CDH19: variants seen among roughly 807,000 people sequenced by gnomAD.
CDH19 encodes cadherin 19.
CDH19 carries 67 observed loss-of-function variants against 64.2 expected under a neutral mutation model. The ratio of observed to expected loss-of-function variants is 1.04; its 90% CI spans 0.86 to 1.28. CDH19 has a LOEUF of 1.28. Among genes scored for constraint, CDH19 ranks in the 50% most tolerant of loss-of-function variants. CDH19 has a pLI of 0.00. For synonymous variants in CDH19, 346 were observed against 319.3 expected (o/e 1.08, Z -0.89); for missense variants, 1,030 against 929.0 (o/e 1.11, Z -1.41).
In CDH19 at chr18:66,504,754, A is replaced by G. The variant is rs1985097571; in HGVS notation, c.*58T>C. 3 of 1,512,070 alleles carry G rather than the reference A, an allele frequency of 2.0e-6. No homozygotes were observed. The highest frequency in any genetic ancestry group is 2.7e-6 in the Non-Finnish European group (3 of 1,125,746). The allele number at this position is 1,512,070 out of a possible 1,614,324, so 93.7% of individuals were successfully genotyped here. A position where few individuals can be genotyped will look rare whatever the true frequency, so the allele number is the denominator to read the frequency against. On this transcript the variant is annotated 3_prime_UTR_variant, in exon 12 of 12. Coordinates refer to ENST00000262150, the MANE Select transcript of CDH19 (RefSeq NM_021153.4). ...GAGCCAGGGCACAAAACTCTTTAAG[A>G]CTACCATTGGGTTCGAATACACATT... is the stretch of plus-strand genomic sequence containing the variant.
intron 7 of CDH19, among the ~76,000 whole-genome samples, chr18:66,539,717 GTTTTC>G (rs1385874945): frequency 4.6e-5 from 7 of 151,890 alleles, no homozygotes; most frequent in Admixed American, 2.6e-4. Flanking sequence ...TTGATCTGTA[GTTTTC>G]TTTGCTTGTT....
intron 9 of CDH19, among the ~76,000 whole-genome samples, chr18:66,523,123 C>T (rs1022648274): frequency 6.6e-6 from 1 of 152,116 alleles, no homozygotes; most frequent in Admixed American, 6.6e-5. Context: ...ACAATTCCAT[C>T]TGTATTTTCT....
intron 7 of CDH19, among the ~76,000 whole-genome samples, chr18:66,537,629 A>T (rs189777296): frequency 2.4e-4 from 36 of 152,190 alleles, no homozygotes; most frequent in Admixed American, 9.8e-4. Context: ...TAGAGGAATA[A>T]TGTTAACATT....
chr18:66,521,855 T>A (rs1986000449), intron 9 of CDH19, among the ~76,000 whole-genome samples: 1 of 152,080 alleles, frequency 6.6e-6, no homozygotes, highest in South Asian at 2.1e-4. Context: ...TGCCTGCCTT[T>A]ATTTTTAATT....
chr18:66,599,301 C>G (rs1457303028), intron 1 of CDH19, among the ~76,000 whole-genome samples: 4 of 151,634 alleles, frequency 2.6e-5, no homozygotes, highest in Non-Finnish European at 4.4e-5. Context: ...AATATTCAGC[C>G]AGCACGGAAA....
At position 66,501,778 on chromosome 18, in the gene CDH19, C is replaced by T. The variant is rs904094829; in HGVS notation, c.*3034G>A. ...AACCATGTGAAATAGGTTGATTGGA[C>T]GTCATTTTACAAAGTGAGATCTGGA... is the stretch of plus-strand genomic sequence containing the variant. On this transcript the variant is annotated 3_prime_UTR_variant, in exon 12 of 12. Transcript: ENST00000262150. 3.3e-5 allele frequency: 5 copies of T among 152,120 alleles called. No individual in the cohort carries two copies. Among genetic ancestry groups the T allele is most frequent in the African/African-American group, 1.2e-4 (5 of 41,518 alleles). The allele number at this position is 152,120 out of a possible 1,614,324, so 9.4% of individuals were successfully genotyped here.
intron 1 of CDH19, among the ~76,000 whole-genome samples, chr18:66,599,156 T>A (rs1406027642): frequency 6.6e-6 from 1 of 152,154 alleles, no homozygotes; most frequent in East Asian, 1.9e-4. Flanking sequence ...GAGTATTTAA[T>A]CATGAAAAGG....
chr18:66,571,352 AACTTAT>A (rs1988097116), intron 2 of CDH19, among the ~76,000 whole-genome samples: 1 of 151,626 alleles, frequency 6.6e-6, no homozygotes, highest in Non-Finnish European at 1.5e-5. Flanking sequence ...TTAGCGGTTA[AACTTAT>A]TTCAGTTCAT....
chr18:66,589,243 T>A (rs1988672524), intron 1 of CDH19, among the ~76,000 whole-genome samples: 1 of 149,490 alleles, frequency 6.7e-6, no homozygotes, highest in Admixed American at 6.7e-5. Context: ...CATATTTGAA[T>A]ATATATACAT....
At position 66,502,171 on chromosome 18, in the gene CDH19, A is replaced by G. The variant is rs1044634200; in HGVS notation, c.*2641T>C. ...ATAAAATAATTATTGAATATAATACAAAGTATAATTCCTAGGAAGTTGCAC... is the reference window on the plus strand; with the variant it reads ...ATAAAATAATTATTGAATATAATACGAAGTATAATTCCTAGGAAGTTGCAC... On this transcript the variant is annotated 3_prime_UTR_variant, in exon 12 of 12. Coordinates refer to ENST00000262150, the MANE Select transcript of CDH19 (RefSeq NM_021153.4). 4 of 152,110 alleles carry G rather than the reference A, an allele frequency of 2.6e-5. No homozygotes were observed. Among genetic ancestry groups the G allele is most frequent in the Middle Eastern group, 3.2e-3 (1 of 316 alleles). 9.4% of individuals were successfully genotyped at this position (152,110 alleles called of 1,614,324 possible). A position where few individuals can be genotyped will look rare whatever the true frequency, so the allele number is the denominator to read the frequency against.
At chr18:66,510,935 CAG>C (rs897765664) in intron 10 of CDH19, among the ~76,000 whole-genome samples, 2 of 151,518 alleles carry the variant, frequency 1.3e-5, no homozygotes, top group African/African-American at 4.8e-5. Flanking sequence ...AAAATTAAAA[CAG>C]AAGTTCTTAT....
At chr18:66,600,465 T>A (rs1382438819) in intron 1 of CDH19, among the ~76,000 whole-genome samples, 1 of 151,876 alleles carries the variant, frequency 6.6e-6, no homozygotes, top group Non-Finnish European at 1.5e-5. Context: ...ATGATTATAA[T>A]CTCATAAAAA....
chr18:66,510,333 A>G lies in CDH19; in HGVS notation c.1577-1087T>C, dbSNP rs1190424575. Among the ~76,000 whole-genome samples the G allele has an allele frequency of 2.1e-4, 31 of 151,072 alleles. 1 individual carries two copies. Among genetic ancestry groups the G allele is most frequent in the Non-Finnish European group, 1.3e-4 (9 of 67,684 alleles). ...ACTTTTTAAATATGCGTTTTATTAA[A>G]TTACTTGTGACCACAAGCATTAAAC... On this transcript the variant is annotated intron_variant, in intron 10 of 11. Coordinates refer to ENST00000262150, the MANE Select transcript of CDH19 (RefSeq NM_021153.4).
chr18:66,572,935 A>G (rs577270431), intron 1 of CDH19, among the ~76,000 whole-genome samples: 32 of 151,864 alleles, frequency 2.1e-4, no homozygotes, highest in Non-Finnish European at 4.1e-4. Flanking sequence ...TCAGCTTAAC[A>G]AAAACAAAAT....
chr18:66,522,637 AAATAT>A lies in CDH19; in HGVS notation c.1458+7203_1458+7207del, dbSNP rs199791182. ...TTTGACTTTTTATCCTTTTTCTTTT[AAATAT>A]AATATGTTTTATTATATATATTTTT... On this transcript the variant is annotated intron_variant, in intron 9 of 11. Coordinates refer to ENST00000262150, the MANE Select transcript of CDH19 (RefSeq NM_021153.4). 6.7e-3 allele frequency among the ~76,000 whole-genome samples: 1,018 copies of A among 151,690 alleles called. 13 individuals carry two copies. Among genetic ancestry groups the A allele is most frequent in the African/African-American group, 0.023 (938 of 41,490 alleles).
intron 1 of CDH19, among the ~76,000 whole-genome samples, chr18:66,578,156 C>G (rs1988319118): frequency 6.6e-6 from 1 of 151,870 alleles, no homozygotes; most frequent in African/African-American, 2.4e-5. Flanking sequence ...ACCTTGATAT[C>G]TCTGCGAGCC....
At chr18:66,558,473 T>A (rs1987603023) in intron 3 of CDH19, among the ~76,000 whole-genome samples, 1 of 151,940 alleles carries the variant, frequency 6.6e-6, no homozygotes, top group Non-Finnish European at 1.5e-5. Flanking sequence ...GAATTAAGCC[T>A]GTATGTTTTC....
intron 3 of CDH19, among the ~76,000 whole-genome samples, chr18:66,558,823 A>C (rs965981603): frequency 1.7e-4 from 26 of 152,084 alleles, no homozygotes; most frequent in African/African-American, 6.3e-4. Flanking sequence ...CGAATGTTTA[A>C]TTCCTACATA....
At chr18:66,523,905 G>A (rs867246383) in intron 9 of CDH19, among the ~76,000 whole-genome samples, 18 of 151,456 alleles carry the variant, frequency 1.2e-4, no homozygotes, top group African/African-American at 4.4e-4. Context: ...GCTCTCCGGG[G>A]GTGGGGGCGG....
Sources: gnomAD v4.1 joint callset for allele counts (sites outside exome capture counted in the v4.1 genomes callset) on GRCh38, gnomAD v4.1.1 for gene constraint, MANE v1.5 for transcripts, NCBI Gene and HGNC (gene_info 2026-07-23, HGNC 2026-07-21) for gene names.